ATP6V0E1: variants seen among roughly 807,000 people sequenced by gnomAD.
ATP6V0E1 encodes the protein ATPase H+ transporting V0 subunit e1, also known as V-type proton ATPase subunit e 1.
In ATP6V0E1, 4 loss-of-function variants were observed where a neutral mutation model predicts 11.6. The ratio of observed to expected loss-of-function variants is 0.35; its 90% CI spans 0.17 to 0.79. The LOEUF (loss-of-function observed/expected upper bound fraction) is 0.79. Ranked by LOEUF, ATP6V0E1 falls within the 30% of genes least tolerant of loss-of-function variation. The pLI is 0.54. For missense variants in ATP6V0E1, 105 were observed against 100.0 expected, an observed-to-expected ratio of 1.05 and a Z score of -0.21; for synonymous variants, 36 against 34.8, an observed-to-expected ratio of 1.04 and a Z score of -0.13.
intron 2 of ATP6V0E1, among the ~76,000 whole-genome samples, chr5:173,016,893 A>G (rs966148109): frequency 2.6e-5 from 4 of 152,200 alleles, no homozygotes; most frequent in African/African-American, 9.6e-5. Flanking sequence ...AGAAAATCTC[A>G]TCTGAATGAA....
At chr5:172,993,137 T>A (rs1267469227) in intron 1 of ATP6V0E1, among the ~76,000 whole-genome samples, 1 of 152,218 alleles carries the variant, frequency 6.6e-6, no homozygotes, top group African/African-American at 2.4e-5. Flanking sequence ...TCCTGTTCTC[T>A]CCTCAGACCC....
chr5:173,002,672 A>G (rs1163165675), intron 2 of ATP6V0E1, among the ~76,000 whole-genome samples: 2 of 152,168 alleles, frequency 1.3e-5, no homozygotes, highest in African/African-American at 4.8e-5. Flanking sequence ...GTAATTTCTT[A>G]TTCACTAATT....
intron 2 of ATP6V0E1, among the ~76,000 whole-genome samples, chr5:173,019,922 C>T (rs1464634171): frequency 3.3e-5 from 5 of 152,134 alleles, no homozygotes; most frequent in African/African-American, 9.7e-5. Flanking sequence ...TAAGTGAAAA[C>T]GCTTTGAAGC....
At chr5:173,021,577 A>G (rs1047046232) in intron 3 of ATP6V0E1, among the ~76,000 whole-genome samples, 16 of 152,228 alleles carry the variant, frequency 1.1e-4, no homozygotes, top group African/African-American at 3.9e-4. Context: ...ACAATTCAAG[A>G]TGAGATTTGG....
chr5:173,003,296 G>C (rs1756186432), intron 2 of ATP6V0E1, among the ~76,000 whole-genome samples: 1 of 152,088 alleles, frequency 6.6e-6, no homozygotes, highest in African/African-American at 2.4e-5. Flanking sequence ...GAGTGATTGG[G>C]CCTCTCTGGC....
At chr5:173,014,160 TA>T (rs757466248) in intron 2 of ATP6V0E1, among the ~76,000 whole-genome samples, 3,186 of 67,832 alleles carry the variant, frequency 0.047, 31 homozygotes, top group Middle Eastern at 0.12. Context: ...GACTCCATCT[TA>T]AAAAAAAAAA....
intron 2 of ATP6V0E1, among the ~76,000 whole-genome samples, chr5:172,998,386 C>A (rs1756100245): frequency 6.6e-6 from 1 of 151,790 alleles, no homozygotes; most frequent in Non-Finnish European, 1.5e-5. Flanking sequence ...GCGGGAAGAT[C>A]ACCTGAGGTT....
intron 3 of ATP6V0E1, among the ~76,000 whole-genome samples, chr5:173,029,508 A>G (rs1225091381): frequency 1.3e-5 from 2 of 151,982 alleles, no homozygotes; most frequent in Non-Finnish European, 2.9e-5. Context: ...GCTCTGAATT[A>G]TGGCAGGTGC....
intron 2 of ATP6V0E1, among the ~76,000 whole-genome samples, chr5:173,006,073 G>A (rs1400778740): frequency 3.9e-5 from 6 of 152,028 alleles, no homozygotes; most frequent in African/African-American, 1.2e-4. Context: ...GAAGTTGTTG[G>A]TTGTAGTATT....
intron 1 of ATP6V0E1, among the ~76,000 whole-genome samples, chr5:172,986,284 T>A (rs190059090): frequency 6.6e-6 from 1 of 152,342 alleles, no homozygotes; most frequent in Non-Finnish European, 1.5e-5. Context: ...GTAACTTTTT[T>A]ACTTAAACTT....
intron 3 of ATP6V0E1, among the ~76,000 whole-genome samples, chr5:173,023,719 C>T (rs1393800601): frequency 1.3e-5 from 2 of 152,100 alleles, no homozygotes; most frequent in African/African-American, 4.8e-5. Context: ...GTGGTGCACA[C>T]CTGTAGTTCC....
At chr5:173,016,790 C>T (rs1756407312) in intron 2 of ATP6V0E1, among the ~76,000 whole-genome samples, 1 of 152,254 alleles carries the variant, frequency 6.6e-6, no homozygotes, top group Admixed American at 6.5e-5. Flanking sequence ...TGTTCTCTTC[C>T]TTTTTTTATA....
intron 3 of ATP6V0E1, among the ~76,000 whole-genome samples, chr5:173,023,926 G>T (rs759105720): frequency 5.3e-5 from 8 of 151,970 alleles, no homozygotes; most frequent in Non-Finnish European, 7.4e-5. Context: ...GGCCGGGCAC[G>T]GTGGCTCACC....
At chr5:173,017,641 C>G (rs1347211890) in intron 2 of ATP6V0E1, among the ~76,000 whole-genome samples, 6 of 151,282 alleles carry the variant, frequency 4.0e-5, no homozygotes, top group Non-Finnish European at 5.9e-5. Context: ...AGGAGTTCGA[C>G]ACCAGCCTGG....
In ATP6V0E1 at chr5:172,983,939, T is replaced by C; in HGVS notation, c.79T>C (p.Phe27Leu). 6.2e-7 allele frequency: 1 copy of C among 1,612,990 alleles called. No homozygotes were observed. Among genetic ancestry groups the C allele is most frequent in the Non-Finnish European group, 8.5e-7 (1 of 1,179,816 alleles). The change falls in exon 1 of 4, where the codon TTC (phenylalanine) becomes CTC (leucine). Residue 27 changes from phenylalanine to leucine, a missense_variant. Coordinates refer to ENST00000519374, the MANE Select transcript of ATP6V0E1 (RefSeq NM_003945.4). ...WGFVGFLVPW[F>L]IPKGPNRGVI... ...CTTCGTCGGCTTCTTGGTGCCTTGGTTCATCCCTAAGGGTCCTAACCGGGG... is the reference window on the plus strand; with the variant it reads ...CTTCGTCGGCTTCTTGGTGCCTTGGCTCATCCCTAAGGGTCCTAACCGGGG...
intron 1 of ATP6V0E1, among the ~76,000 whole-genome samples, chr5:172,992,319 G>A (rs930533548): frequency 6.6e-6 from 1 of 152,178 alleles, no homozygotes; most frequent in Admixed American, 6.5e-5. Context: ...CCAAAGTGCC[G>A]GGATTGCAGG....
intron 1 of ATP6V0E1, among the ~76,000 whole-genome samples, chr5:172,991,538 G>T (rs2113580171): frequency 6.6e-6 from 1 of 152,116 alleles, no homozygotes; most frequent in Non-Finnish European, 1.5e-5. Flanking sequence ...AATGTGTTTT[G>T]GGGGACAGTG....
chr5:173,006,747 A>G (rs544990487), intron 2 of ATP6V0E1, among the ~76,000 whole-genome samples: 28 of 152,290 alleles, frequency 1.8e-4, no homozygotes, highest in Middle Eastern at 3.4e-3. Context: ...TAAGCTATAG[A>G]AAGCAACCTA....
chr5:172,985,762 G>C (rs545463620), intron 1 of ATP6V0E1, among the ~76,000 whole-genome samples: 106 of 152,332 alleles, frequency 7.0e-4, no homozygotes, highest in Non-Finnish European at 1.3e-3. Context: ...CTTAGCCCTA[G>C]AGAGTGTCAT....
Sources: gnomAD v4.1 joint callset for allele counts (sites outside exome capture counted in the v4.1 genomes callset) on GRCh38, gnomAD v4.1.1 for gene constraint, MANE v1.5 for transcripts, NCBI Gene and HGNC (gene_info 2026-07-23, HGNC 2026-07-21) for gene names.